Variants in TNFRSF21 observed in about 807,000 individuals in gnomAD.
The protein encoded by TNFRSF21 is tumor necrosis factor receptor superfamily member 21.
TNFRSF21 carries 19 observed loss-of-function variants against 45.6 expected under a neutral mutation model. The ratio of observed to expected loss-of-function variants is 0.42; its 90% confidence interval spans 0.29 to 0.61. The LOEUF (loss-of-function observed/expected upper bound fraction) is 0.61. TNFRSF21 is among the 20% of genes least tolerant of loss of function. The pLI is 0.23. For synonymous variants in TNFRSF21, 314 were observed against 335.5 expected, an observed-to-expected ratio of 0.94 and a Z score of 0.70; for missense variants, 737 against 851.5, an observed-to-expected ratio of 0.87 and a Z score of 1.67.
chr6:47,302,321 C>G (rs1020367053), intron 1 of TNFRSF21, among the ~76,000 whole-genome samples: 2 of 152,056 alleles, frequency 1.3e-5, no homozygotes, highest in African/African-American at 4.8e-5. Flanking sequence ...GTGCACTTAC[C>G]CTATACAAAT....
chr6:47,284,868 C>T (rs927651933), intron 2 of TNFRSF21, among the ~76,000 whole-genome samples: 1 of 152,090 alleles, frequency 6.6e-6, no homozygotes, highest in African/African-American at 2.4e-5. Flanking sequence ...GAGAATATGA[C>T]TAAGATAAAA....
At chr6:47,299,017 A>G (rs1191022928) in intron 1 of TNFRSF21, among the ~76,000 whole-genome samples, 2 of 152,232 alleles carry the variant, frequency 1.3e-5, no homozygotes, top group Admixed American at 6.5e-5. Context: ...CTTACCACAA[A>G]TATGACACTA....
chr6:47,256,508 G>A (rs1764990629), intron 3 of TNFRSF21, among the ~76,000 whole-genome samples: 1 of 152,210 alleles, frequency 6.6e-6, no homozygotes, highest in Non-Finnish European at 1.5e-5. Flanking sequence ...GGGTGAGAGA[G>A]GGAGACTCTA....
chr6:47,268,125 A>G (rs1311394906), intron 3 of TNFRSF21, among the ~76,000 whole-genome samples: 1 of 152,234 alleles, frequency 6.6e-6, no homozygotes, highest in African/African-American at 2.4e-5. Flanking sequence ...ATCCAAGGCC[A>G]CATGCCTGAG....
chr6:47,303,607 C>T lies in TNFRSF21; in HGVS notation c.96+5809G>A, dbSNP rs141830038. The stretch of plus-strand genomic sequence containing the variant: ...CTTACTATTGCTTTGAGTCAACAGC[C>T]TAAGTATCAGTGAACCCCACCTCTG... On this transcript the variant is annotated intron_variant, in intron 1 of 5. Coordinates refer to ENST00000296861, the MANE Select transcript of TNFRSF21 (RefSeq NM_014452.5). 2.0e-5 allele frequency among the ~76,000 whole-genome samples: 3 copies of T among 152,260 alleles called. No homozygotes were observed. In the East Asian group the frequency reaches 5.8e-4, roughly 29 times the overall value.
At chr6:47,253,586 C>G in intron 3 of TNFRSF21, 65 bp from the exon 4 acceptor site, 2 of 1,556,290 alleles carry the variant, frequency 1.3e-6, no homozygotes, top group Non-Finnish European at 1.7e-6. Flanking sequence ...CATAAGGCAG[C>G]TCTGCTTTAA....
chr6:47,287,461 T>G (rs999534687), intron 1 of TNFRSF21, among the ~76,000 whole-genome samples: 2 of 152,118 alleles, frequency 1.3e-5, no homozygotes, highest in Admixed American at 6.5e-5. Context: ...CTTGCCCTGT[T>G]CTTGTCTTTA....
chr6:47,309,395 C>A lies in TNFRSF21; in HGVS notation c.96+21G>T, dbSNP rs190144064. On this transcript the variant is annotated intron_variant, in intron 1 of 5. Coordinates refer to ENST00000296861, the MANE Select transcript of TNFRSF21 (RefSeq NM_014452.5). ...TTCTGCTCCGGCGCCGCCGCCACCC[C>A]CGGTCCACGCAAGCGCTCACCAGGA... The A allele has an allele frequency of 9.8e-6, 15 of 1,524,808 alleles. No individual in the cohort carries two copies. The East Asian group carries it at 2.4e-4, about 24-fold the overall frequency. The allele number at this position is 1,524,808 out of a possible 1,614,324, so 94.5% of individuals were successfully genotyped here. A position where few individuals can be genotyped will look rare whatever the true frequency, so the allele number is the denominator to read the frequency against.
chr6:47,289,653 G>A (rs1447293707), intron 1 of TNFRSF21, among the ~76,000 whole-genome samples: 1 of 152,066 alleles, frequency 6.6e-6, no homozygotes, highest in African/African-American at 2.4e-5. Flanking sequence ...GAGCACAGCG[G>A]ATGCACTGGA....
At chr6:47,233,300 C>T (rs778978545) in intron 5 of TNFRSF21, among the ~76,000 whole-genome samples, 30 of 152,168 alleles carry the variant, frequency 2.0e-4, no homozygotes, top group Non-Finnish European at 4.1e-4. Context: ...TAAGTAACTT[C>T]TAAATTATTT....
chr6:47,279,824 C>G (rs981699913), intron 3 of TNFRSF21, among the ~76,000 whole-genome samples: 1 of 152,190 alleles, frequency 6.6e-6, no homozygotes, highest in Non-Finnish European at 1.5e-5. Flanking sequence ...AGATACATTA[C>G]GTGAAATCAC....
chr6:47,241,716 C>T (rs113932179), intron 4 of TNFRSF21, among the ~76,000 whole-genome samples: 60 of 152,238 alleles, frequency 3.9e-4, no homozygotes, highest in African/African-American at 1.4e-3. Context: ...TTCTTTGCTT[C>T]GTAAGTCTTC....
chr6:47,266,745 C>A (rs1561944014), intron 3 of TNFRSF21, among the ~76,000 whole-genome samples: 1 of 152,146 alleles, frequency 6.6e-6, no homozygotes, highest in Non-Finnish European at 1.5e-5. Context: ...TCAGTTTTTG[C>A]ATCTCCGAAG....
rs745532804 is a variant in TNFRSF21 at position 47,284,131 on chromosome 6, C to A, written c.1050G>T (p.Leu350Phe). The change falls in exon 3 of 6, where the codon TTG becomes TTT. Residue 350 changes from leucine to phenylalanine, a missense_variant. Transcript: ENST00000296861. ...GCAGGAAAAGCACAATCATCCAGGG[C>A]AAATGCTCATTGATGTCAAAATGCT... ...LHKHFDINEH[L>F]PWMIVLFLLL... 12 of 1,614,216 alleles carry A rather than the reference C, an allele frequency of 7.4e-6. No homozygotes were observed. The highest frequency in any genetic ancestry group is 1.0e-5 in the Non-Finnish European group (12 of 1,180,048).
intron 1 of TNFRSF21, among the ~76,000 whole-genome samples, chr6:47,306,894 T>C (rs926950311): frequency 5.3e-5 from 8 of 152,166 alleles, no homozygotes; most frequent in Non-Finnish European, 1.2e-4. Flanking sequence ...CCTCCCCCAG[T>C]AGTGTTCTGA....
At chr6:47,242,901 T>C (rs954241209) in intron 4 of TNFRSF21, among the ~76,000 whole-genome samples, 1 of 152,210 alleles carries the variant, frequency 6.6e-6, no homozygotes, top group Non-Finnish European at 1.5e-5. Context: ...TAAACTTCTA[T>C]TGGAAAATCT....
chr6:47,303,889 G>A (rs906816905), intron 1 of TNFRSF21, among the ~76,000 whole-genome samples: 1 of 152,242 alleles, frequency 6.6e-6, no homozygotes, highest in African/African-American at 2.4e-5. Flanking sequence ...AGCTGTTGCT[G>A]CTACAGCCAC....
intron 3 of TNFRSF21, among the ~76,000 whole-genome samples, chr6:47,262,104 G>A (rs181481301): frequency 1.4e-4 from 21 of 152,124 alleles, no homozygotes; most frequent in Admixed American, 5.9e-4. Flanking sequence ...GACAATAACC[G>A]TAAGCTCAGA....
chr6:47,234,825 G>A lies in TNFRSF21; in HGVS notation c.1583C>T (p.Ala528Val), dbSNP rs146567443. 5 of 1,547,326 alleles carry A rather than the reference G, an allele frequency of 3.2e-6. No homozygotes were observed. The African/African-American group carries it at 5.6e-5, about 17-fold the overall frequency. Residue 528 changes from alanine (A) to valine (V), a missense_variant, in exon 5 of 6, where the codon GCG (alanine) becomes GTG (valine). By Grantham distance (64) the Ala-to-Val change is moderately conservative. Coordinates refer to ENST00000296861, the MANE Select transcript of TNFRSF21 (RefSeq NM_014452.5). Reference protein sequence around the residue: ...LSPSPIPSPNAKLENSALLTV... With the variant: ...LSPSPIPSPNVKLENSALLTV... ...CAGGAGAGCGGAATTCTCAAGTTTC[G>A]CGTTGGGGCTGGGGATGGGGCTCGG...
Sources: allele counts gnomAD v4.1 joint callset (sites outside exome capture counted in the v4.1 genomes callset), GRCh38; gene constraint gnomAD v4.1.1; transcripts MANE v1.5; gene names NCBI Gene and HGNC (gene_info 2026-07-23, HGNC 2026-07-21).